Variants in ENOX2 observed in about 807,000 individuals in gnomAD.
The protein encoded by ENOX2 is ecto-NOX disulfide-thiol exchanger 2.
ENOX2 carries 36 observed loss-of-function variants against 45.0 expected under a neutral mutation model. The ratio of observed to expected loss-of-function variants is 0.80; its 90% CI spans 0.61 to 1.06. The LOEUF is 1.06. Ranked by LOEUF, ENOX2 falls within the 50% of genes least tolerant of loss-of-function variation. The pLI is 0.00. For synonymous variants in ENOX2, 174 were observed against 152.3 expected, an observed-to-expected ratio of 1.14 and a Z score of -1.05; for missense variants, 423 against 462.5, an observed-to-expected ratio of 0.91 and a Z score of 0.78.
At chrX:130,642,050 C>A (rs1178497331) in intron 10 of ENOX2, among the ~76,000 whole-genome samples, 3 of 112,168 alleles carry the variant, frequency 2.7e-5, no homozygotes, top group African/African-American at 9.7e-5. Flanking sequence ...TTTAAAAAAT[C>A]ATTTCATAAG....
At chrX:130,724,842 G>A (rs2038567881) in intron 3 of ENOX2, among the ~76,000 whole-genome samples, 1 of 111,931 alleles carries the variant, frequency 8.9e-6, no homozygotes, top group Admixed American at 9.4e-5. Context: ...AGGGTGGCCT[G>A]GGTGACAGGT....
At chrX:130,853,706 A>G (rs1464388343) in intron 2 of ENOX2, among the ~76,000 whole-genome samples, 1 of 109,857 alleles carries the variant, frequency 9.1e-6, no homozygotes, top group Non-Finnish European at 1.9e-5. Context: ...CCAAGTAGAG[A>G]GCTGGGTTTT....
chrX:130,646,114 T>TG (rs1460182773), intron 10 of ENOX2: 7 of 528,520 alleles, frequency 1.3e-5, no homozygotes, highest in African/African-American at 4.6e-5. Flanking sequence ...TGTCTCCTGC[T>TG]GCCTGCAGCC....
intron 4 of ENOX2, among the ~76,000 whole-genome samples, chrX:130,694,867 T>G (rs1385556641): frequency 4.5e-5 from 5 of 111,134 alleles, no homozygotes; most frequent in African/African-American, 1.6e-4. Flanking sequence ...AATGCCAACT[T>G]TTACCTTTGT....
intron 3 of ENOX2, among the ~76,000 whole-genome samples, chrX:130,778,461 T>C (rs1048390405): frequency 1.5e-4 from 17 of 111,544 alleles, no homozygotes; most frequent in African/African-American, 5.2e-4. Context: ...GAGAATGGAG[T>C]TGGGAGGTCT....
chrX:130,809,501 C>T (rs780360127), intron 2 of ENOX2, among the ~76,000 whole-genome samples: 1 of 111,551 alleles, frequency 9.0e-6, no homozygotes, highest in African/African-American at 3.3e-5. Flanking sequence ...AGCATATGTC[C>T]AAGATCGATG....
intron 3 of ENOX2, among the ~76,000 whole-genome samples, chrX:130,756,577 C>T (rs1384741153): frequency 8.9e-6 from 1 of 111,944 alleles, no homozygotes; most frequent in Non-Finnish European, 1.9e-5. Context: ...TATCTTCTGA[C>T]CCGAGGGGCC....
intron 2 of ENOX2, among the ~76,000 whole-genome samples, chrX:130,794,899 A>G (rs1275068798): frequency 8.9e-6 from 1 of 112,343 alleles, no homozygotes; most frequent in Non-Finnish European, 1.9e-5. Context: ...CTTCTAATTA[A>G]CCAATGATGA....
chrX:130,778,721 G>T (rs971548410), intron 3 of ENOX2, among the ~76,000 whole-genome samples: 5 of 112,173 alleles, frequency 4.5e-5, no homozygotes, highest in Non-Finnish European at 9.4e-5. Context: ...AATGAAAACT[G>T]GCTGAAGATC....
At chrX:130,900,846 C>T (rs952971882) in intron 2 of ENOX2, among the ~76,000 whole-genome samples, 1 of 112,144 alleles carries the variant, frequency 8.9e-6, no homozygotes, top group African/African-American at 3.2e-5. Context: ...ATCCAGCTCC[C>T]CAGCTAGACC....
chrX:130,651,220 A>G (rs1268903168), intron 10 of ENOX2, among the ~76,000 whole-genome samples: 1 of 112,017 alleles, frequency 8.9e-6, no homozygotes, highest in Non-Finnish European at 1.9e-5. Flanking sequence ...TTGCCTCTAC[A>G]GGTTATTGTC....
chrX:130,719,144 C>G (rs2038405971), intron 3 of ENOX2, among the ~76,000 whole-genome samples: 1 of 111,310 alleles, frequency 9.0e-6, no homozygotes, highest in African/African-American at 3.3e-5. Context: ...AAGCAGTGGA[C>G]AGCCACGTTT....
In ENOX2 at chrX:130,674,463, C is replaced by A. The variant is rs771430622; in HGVS notation, c.461-4265G>T. Among the ~76,000 whole-genome samples the A allele has an allele frequency of 2.4e-3, 264 of 108,773 alleles. 1 individual carries two copies. Among genetic ancestry groups the A allele is most frequent in the African/African-American group, 8.5e-3 (253 of 29,921 alleles). 94.5% of individuals were successfully genotyped at this position (108,773 alleles called of 115,157 possible). A position where few individuals can be genotyped will look rare whatever the true frequency, so the allele number is the denominator to read the frequency against. ...AGCACCAAAAGACAGGGGAAGAGAA[C>A]AGAAAAAAATTAAATAAGGGGAGAA... On this transcript the variant is annotated intron_variant, in intron 6 of 14. Transcript: ENST00000394363.
At chrX:130,727,532 C>T in intron 3 of ENOX2, among the ~76,000 whole-genome samples, 1 of 112,437 alleles carries the variant, frequency 8.9e-6, no homozygotes, top group African/African-American at 3.2e-5. Flanking sequence ...GACCCCAAAG[C>T]CCATGCTCTT....
chrX:130,659,704 T>C (rs1468965775), intron 9 of ENOX2, among the ~76,000 whole-genome samples: 1 of 112,399 alleles, frequency 8.9e-6, no homozygotes, highest in Non-Finnish European at 1.9e-5. Flanking sequence ...ATGTAGACTA[T>C]TGGAGAGTAT....
At chrX:130,887,541 A>G (rs761698436) in intron 2 of ENOX2, among the ~76,000 whole-genome samples, 22 of 111,540 alleles carry the variant, frequency 2.0e-4, no homozygotes, top group Non-Finnish European at 3.8e-4. Flanking sequence ...TGGAAAATCC[A>G]GGAGCCTTGA....
At chrX:130,749,070 C>A (rs2039157054) in intron 3 of ENOX2, among the ~76,000 whole-genome samples, 1 of 111,498 alleles carries the variant, frequency 9.0e-6, no homozygotes, top group Non-Finnish European at 1.9e-5. Flanking sequence ...AAAAAGGCCA[C>A]CTATGGAGTC....
chrX:130,744,851 A>T (rs2039063974), intron 3 of ENOX2, among the ~76,000 whole-genome samples: 1 of 111,583 alleles, frequency 9.0e-6, no homozygotes, highest in Non-Finnish European at 1.9e-5. Flanking sequence ...GGTGAGCAGC[A>T]GGTGAGTGAG....
intron 3 of ENOX2, among the ~76,000 whole-genome samples, chrX:130,759,514 C>T (rs757817756): frequency 2.0e-5 from 2 of 100,737 alleles, no homozygotes; most frequent in South Asian, 9.8e-4. Flanking sequence ...ATTGCTGGAA[C>T]CAGCAATGAG....
Sources: gnomAD v4.1 joint callset for allele counts (sites outside exome capture counted in the v4.1 genomes callset) on GRCh38, gnomAD v4.1.1 for gene constraint, MANE v1.5 for transcripts, NCBI Gene and HGNC (gene_info 2026-07-23, HGNC 2026-07-21) for gene names.